GRID1: variants seen among roughly 807,000 people sequenced by gnomAD.
GRID1 encodes glutamate ionotropic receptor delta type subunit 1, also known as glutamate receptor ionotropic, delta-1.
Under a neutral mutation model 98.0 loss-of-function variants are expected in GRID1, and 28 were observed. The ratio of observed to expected loss-of-function variants is 0.29; its 90% CI spans 0.21 to 0.39. The LOEUF (loss-of-function observed/expected upper bound fraction) is 0.39, where lower values mean the gene tolerates loss of function less well. Ranked by LOEUF, GRID1 falls within the 10% of genes least tolerant of loss-of-function variation. The probability of loss-of-function intolerance (pLI) is 1.00; values close to 1 mark genes in which losing one functional copy is unlikely to be tolerated. For synonymous variants in GRID1, 553 were observed against 538.5 expected, an observed-to-expected ratio of 1.03 and a Z score of -0.37; for missense variants, 1,111 against 1,340.5, an observed-to-expected ratio of 0.83 and a Z score of 2.67.
At chr10:86,326,753 T>C (rs1848056242) in intron 2 of GRID1, among the ~76,000 whole-genome samples, 1 of 152,092 alleles carries the variant, frequency 6.6e-6, no homozygotes, top group Admixed American at 6.6e-5. Context: ...CATCACGTGG[T>C]AAATTGGAGA....
chr10:85,717,630 C>T (rs1007255293), intron 12 of GRID1, among the ~76,000 whole-genome samples: 1 of 152,170 alleles, frequency 6.6e-6, no homozygotes, highest in Admixed American at 6.5e-5. Context: ...CCATTCCTGG[C>T]CCCTCCAAAT....
chr10:85,616,810 C>G (rs1248302456), intron 14 of GRID1, among the ~76,000 whole-genome samples: 1 of 152,142 alleles, frequency 6.6e-6, no homozygotes, highest in Non-Finnish European at 1.5e-5. Context: ...GCCAGTTGTT[C>G]TATTTTCCAG....
chr10:86,206,595 C>T lies in GRID1; in HGVS notation c.289G>A (p.Ala97Thr). The change falls in exon 3 of 16, where the codon GCA becomes ACA. Residue 97 changes from alanine to threonine, a missense_variant. Coordinates refer to ENST00000327946, the MANE Select transcript of GRID1 (RefSeq NM_017551.3). The surrounding 1 kb of genome is among the most constrained non-coding windows in gnomAD (Gnocchi z 4.1). ...AGGGACTGCAGGGCATTGGCAGATG[C>T]ACAGCCAGTGGACGTGACCAAGGCC... ...ILALVTSTGC[A>T]SANALQSLTD... The T allele has an allele frequency of 1.2e-6, 2 of 1,614,070 alleles. No individual in the cohort carries two copies. The highest frequency in any genetic ancestry group is 1.7e-6 in the Non-Finnish European group (2 of 1,179,942).
intron 4 of GRID1, among the ~76,000 whole-genome samples, chr10:86,067,867 C>T (rs1394818083): frequency 2.6e-5 from 4 of 152,316 alleles, no homozygotes; most frequent in South Asian, 2.1e-4. Context: ...GCTGAGACCC[C>T]GCTGTGCCAA....
chr10:86,249,361 G>A (rs894705172), intron 2 of GRID1, among the ~76,000 whole-genome samples: 1 of 152,206 alleles, frequency 6.6e-6, no homozygotes, highest in Non-Finnish European at 1.5e-5. Context: ...CTTCTCTGGA[G>A]TTAAGTCACA....
At chr10:85,835,665 T>C (rs1842906069) in intron 8 of GRID1, among the ~76,000 whole-genome samples, 2 of 152,198 alleles carry the variant, frequency 1.3e-5, no homozygotes. Flanking sequence ...AACAGACTAA[T>C]ACAACAATCA....
intron 4 of GRID1, among the ~76,000 whole-genome samples, chr10:86,053,813 C>T (rs1195169842): frequency 6.6e-6 from 1 of 152,216 alleles, no homozygotes; most frequent in Non-Finnish European, 1.5e-5. Flanking sequence ...TACACAGACA[C>T]ACACACACTT....
rs115383515 is a variant in GRID1, at chr10:85,660,059, C to T, written c.1998-12662G>A. On this transcript the variant is annotated intron_variant, in intron 12 of 15. Transcript: ENST00000327946. The stretch of plus-strand genomic sequence containing the variant: ...GCTGTTTTTATCTTGGACACCATTT[C>T]GCTTGTGGCACCATTAGCAATGCCA... Among the ~76,000 whole-genome samples the T allele has an allele frequency of 6.2e-3, 940 of 152,306 alleles. 11 individuals are homozygous for T. Among genetic ancestry groups the T allele is most frequent in the African/African-American group, 0.021 (879 of 41,572 alleles).
At chr10:85,971,750 A>C (rs550340078) in intron 4 of GRID1, among the ~76,000 whole-genome samples, 8 of 152,248 alleles carry the variant, frequency 5.3e-5, no homozygotes, top group African/African-American at 1.9e-4. Context: ...GGTGGGAAAA[A>C]ATTCCTGCAA....
At chr10:85,810,594 T>C (rs1842662927) in intron 8 of GRID1, among the ~76,000 whole-genome samples, 1 of 152,160 alleles carries the variant, frequency 6.6e-6, no homozygotes, top group African/African-American at 2.4e-5. Context: ...CAGGCAGACC[T>C]GGCCTTAAGC....
chr10:85,773,923 C>T (rs1007540939), intron 8 of GRID1, among the ~76,000 whole-genome samples: 1 of 152,118 alleles, frequency 6.6e-6, no homozygotes, highest in African/African-American at 2.4e-5. Flanking sequence ...AGATTCAATG[C>T]CATTCCCATC....
intron 12 of GRID1, among the ~76,000 whole-genome samples, chr10:85,712,921 C>G (rs1208966393): frequency 6.6e-6 from 1 of 151,572 alleles, no homozygotes; most frequent in Non-Finnish European, 1.5e-5. Context: ...GCAGCAAGAG[C>G]CCCTCTAAGA....
intron 8 of GRID1, among the ~76,000 whole-genome samples, chr10:85,737,397 C>T (rs1008526913): frequency 3.3e-5 from 5 of 151,852 alleles, no homozygotes; most frequent in African/African-American, 1.2e-4. Context: ...ATACCTTCTG[C>T]ACTGGCAAGA....
At chr10:86,231,397 C>T (rs1846450211) in intron 2 of GRID1, among the ~76,000 whole-genome samples, 2 of 152,170 alleles carry the variant, frequency 1.3e-5, no homozygotes, top group Admixed American at 1.3e-4. Flanking sequence ...GCACTCCGGA[C>T]AGAGGCTCTG....
At chr10:86,229,474 C>T (rs1846413936) in intron 2 of GRID1, among the ~76,000 whole-genome samples, 2 of 152,206 alleles carry the variant, frequency 1.3e-5, no homozygotes, top group African/African-American at 4.8e-5. Flanking sequence ...ATAATAGCCC[C>T]GCCTCACAGG....
intron 4 of GRID1, among the ~76,000 whole-genome samples, chr10:86,126,920 G>A (rs1844762380): frequency 6.6e-6 from 1 of 152,208 alleles, no homozygotes; most frequent in Non-Finnish European, 1.5e-5. Flanking sequence ...TAATATCCCT[G>A]CCTGGATGCC....
chr10:86,128,005 C>T (rs901540612), intron 4 of GRID1, among the ~76,000 whole-genome samples: 1 of 152,182 alleles, frequency 6.6e-6, no homozygotes, highest in African/African-American at 2.4e-5. Context: ...CAGCTTATGA[C>T]CAGTAAATAG....
intron 4 of GRID1, among the ~76,000 whole-genome samples, chr10:85,963,090 C>A (rs1340753748): frequency 2.0e-5 from 3 of 152,098 alleles, no homozygotes; most frequent in South Asian, 2.1e-4. Context: ...GAGGTTATTT[C>A]TTTATTTACT....
chr10:86,360,695 A>G (rs565345655), intron 2 of GRID1, among the ~76,000 whole-genome samples: 14 of 152,236 alleles, frequency 9.2e-5, no homozygotes, highest in Non-Finnish European at 1.9e-4. Flanking sequence ...CGCAGGCCTT[A>G]TGTAGATGAT....
Sources: gnomAD v4.1 joint callset for allele counts (sites outside exome capture counted in the v4.1 genomes callset) on GRCh38, gnomAD v4.1.1 for gene constraint, Gnocchi (gnomAD v3.1) non-coding constraint, MANE v1.5 for transcripts, NCBI Gene and HGNC (gene_info 2026-07-23, HGNC 2026-07-21) for gene names.